ITPK1: variants seen among roughly 807,000 people sequenced by gnomAD.
The protein encoded by ITPK1 is inositol 1,3,4-trisphosphate 5/6-kinase.
In ITPK1, 21 loss-of-function variants were observed where a neutral mutation model predicts 45.3. The observed-to-expected ratio is 0.46, with a 90% CI of 0.33 to 0.67. ITPK1 has a LOEUF of 0.67. Among genes scored for constraint, ITPK1 ranks in the 30% least tolerant of loss-of-function variants. The probability of loss-of-function intolerance (pLI) is 0.02; values close to 1 mark genes in which losing one functional copy is unlikely to be tolerated. For synonymous variants in ITPK1, 258 were observed against 253.6 expected (o/e 1.02, Z -0.16); for missense variants, 474 against 573.5 (o/e 0.83, Z 1.77).
chr14:93,008,957 G>A (rs1172531517), intron 4 of ITPK1, among the ~76,000 whole-genome samples: 1 of 152,154 alleles, frequency 6.6e-6, no homozygotes, highest in Non-Finnish European at 1.5e-5. Context: ...AACTTGACTG[G>A]CCCACCTGAG....
At chr14:93,064,405 A>G (rs947425349) in intron 3 of ITPK1, among the ~76,000 whole-genome samples, 1 of 152,226 alleles carries the variant, frequency 6.6e-6, no homozygotes. Flanking sequence ...GATTACAGAC[A>G]CAGGCCATCA....
intron 3 of ITPK1, among the ~76,000 whole-genome samples, chr14:93,062,249 C>T (rs546548470): frequency 1.0e-3 from 153 of 149,866 alleles, no homozygotes; most frequent in Non-Finnish European, 1.5e-3. Context: ...CCAGCCTGGG[C>T]GACAGAGCGA....
At chr14:93,082,533 A>G (rs1891479439) in intron 2 of ITPK1, among the ~76,000 whole-genome samples, 1 of 152,250 alleles carries the variant, frequency 6.6e-6, no homozygotes. Flanking sequence ...AACAGAGTCC[A>G]GGCCTGGCAC....
chr14:93,029,281 A>G (rs1888908916), intron 3 of ITPK1, among the ~76,000 whole-genome samples: 1 of 152,022 alleles, frequency 6.6e-6, no homozygotes, highest in Non-Finnish European at 1.5e-5. Flanking sequence ...AACACCTCAC[A>G]CTGCCCGCCC....
chr14:92,963,872 T>C (rs1885214084), intron 5 of ITPK1, among the ~76,000 whole-genome samples: 2 of 152,186 alleles, frequency 1.3e-5, no homozygotes, highest in African/African-American at 2.4e-5. Flanking sequence ...CACCCTGTAC[T>C]TCAGGGCACA....
chr14:93,103,083 A>G (rs10145715), intron 2 of ITPK1, among the ~76,000 whole-genome samples: 36,779 of 135,938 alleles, frequency 0.27, 5,721 homozygotes, highest in African/African-American at 0.42. Flanking sequence ...CTGGGCGACA[A>G]AGCAAGACTC....
At chr14:92,982,610 C>G (rs1403972078) in intron 5 of ITPK1, among the ~76,000 whole-genome samples, 1 of 152,194 alleles carries the variant, frequency 6.6e-6, no homozygotes, top group Non-Finnish European at 1.5e-5. Context: ...GCCCGTGACA[C>G]CCTGGGCCAA....
intron 5 of ITPK1, among the ~76,000 whole-genome samples, chr14:92,972,705 C>A (rs934266804): frequency 6.6e-6 from 1 of 152,220 alleles, no homozygotes; most frequent in Non-Finnish European, 1.5e-5. Flanking sequence ...ATTCTCCTGC[C>A]TCAGCCTCCC....
At chr14:92,972,494 C>G (rs547155753) in intron 5 of ITPK1, among the ~76,000 whole-genome samples, 82 of 152,328 alleles carry the variant, frequency 5.4e-4, no homozygotes, top group African/African-American at 1.7e-3. Context: ...AGACTTCTGC[C>G]TCCAGAACTG....
chr14:93,029,872 C>T (rs868682042), intron 3 of ITPK1, among the ~76,000 whole-genome samples: 2 of 152,196 alleles, frequency 1.3e-5, no homozygotes, highest in South Asian at 4.1e-4. Context: ...ACTGACAGTC[C>T]CCAGCAGATT....
chr14:93,059,912 TG>T (rs1201642417), intron 3 of ITPK1, among the ~76,000 whole-genome samples: 2 of 50,826 alleles, frequency 3.9e-5, no homozygotes, highest in Non-Finnish European at 4.1e-5. Flanking sequence ...GAGGCAGGGG[TG>T]GGGGGTGCTG....
intron 2 of ITPK1, among the ~76,000 whole-genome samples, chr14:93,082,246 C>T (rs981057434): frequency 3.3e-5 from 5 of 152,130 alleles, no homozygotes; most frequent in Admixed American, 1.3e-4. Flanking sequence ...TGAGGCCCTG[C>T]GCCAGGCCCA....
intron 4 of ITPK1, among the ~76,000 whole-genome samples, chr14:93,007,774 C>T (rs1029249829): frequency 3.9e-5 from 6 of 152,234 alleles, no homozygotes; most frequent in Admixed American, 2.0e-4. Flanking sequence ...TCAGTGGCTG[C>T]GGGCATGCTC....
chr14:93,011,761 C>T (rs528120317), intron 4 of ITPK1, among the ~76,000 whole-genome samples: 47 of 152,292 alleles, frequency 3.1e-4, no homozygotes, highest in Non-Finnish European at 5.6e-4. Context: ...CGCACCTGGG[C>T]TCCAAAGAGT....
At chr14:92,978,417 G>A (rs886076114) in intron 5 of ITPK1, among the ~76,000 whole-genome samples, 1 of 151,996 alleles carries the variant, frequency 6.6e-6, no homozygotes, top group Non-Finnish European at 1.5e-5. Context: ...TTCTGAGGAG[G>A]AACTCAAAGC....
intron 2 of ITPK1, among the ~76,000 whole-genome samples, chr14:93,083,740 G>A (rs114590157): frequency 0.033 from 5,030 of 152,170 alleles, 279 homozygotes; most frequent in African/African-American, 0.12. Flanking sequence ...TCACCCATGT[G>A]TGTTGATGGC....
At chr14:93,011,376 C>G (rs1181308868) in intron 4 of ITPK1, among the ~76,000 whole-genome samples, 1 of 152,186 alleles carries the variant, frequency 6.6e-6, no homozygotes, top group Non-Finnish European at 1.5e-5. Flanking sequence ...CCCCTCCCAC[C>G]AGCTCCCAGC....
At chr14:93,097,616 AT>A (rs1401321671) in intron 2 of ITPK1, among the ~76,000 whole-genome samples, 2 of 152,262 alleles carry the variant, frequency 1.3e-5, no homozygotes, top group Non-Finnish European at 2.9e-5. Flanking sequence ...TCAATAACTG[AT>A]AAAAACTTTT....
At chr14:93,030,700 G>A (rs111521329) in intron 3 of ITPK1, among the ~76,000 whole-genome samples, 1 of 152,264 alleles carries the variant, frequency 6.6e-6, no homozygotes, top group African/African-American at 2.4e-5. Context: ...GAGAAGGCCT[G>A]GTACAGGCTA....
Sources: gnomAD v4.1 joint callset for allele counts (sites outside exome capture counted in the v4.1 genomes callset) on GRCh38, gnomAD v4.1.1 for gene constraint, MANE v1.5 for transcripts, NCBI Gene and HGNC (gene_info 2026-07-23, HGNC 2026-07-21) for gene names.